Variants in KIAA1217 observed in about 807,000 individuals in gnomAD.
KIAA1217 encodes the protein sickle tail protein homolog.
A neutral mutation model predicts 163.9 loss-of-function variants in KIAA1217; 88 were observed. The observed-to-expected ratio is 0.54, with a 90% CI of 0.45 to 0.64. The LOEUF is 0.64. Among genes scored for constraint, KIAA1217 ranks in the 30% least tolerant of loss-of-function variants. KIAA1217 has a pLI of 0.00. For missense variants in KIAA1217, 2,372 were observed against 2,475.0 expected (o/e 0.96, Z 0.88); for synonymous variants, 903 against 923.1 (o/e 0.98, Z 0.39).
At chr10:24,491,060 T>C (rs1232741279) in intron 6 of KIAA1217, among the ~76,000 whole-genome samples, 3 of 152,190 alleles carry the variant, frequency 2.0e-5, no homozygotes, top group Non-Finnish European at 2.9e-5. Flanking sequence ...TGTCTCTCTC[T>C]GCACCCTAAA....
At chr10:24,277,935 G>GA (rs1404149486) in intron 2 of KIAA1217, among the ~76,000 whole-genome samples, 1 of 152,254 alleles carries the variant, frequency 6.6e-6, no homozygotes, top group Non-Finnish European at 1.5e-5. Flanking sequence ...CCCTGTGATA[G>GA]AAAGCAGTGC....
At chr10:23,808,312 G>A (rs1281252664) in intron 1 of KIAA1217, among the ~76,000 whole-genome samples, 1 of 152,140 alleles carries the variant, frequency 6.6e-6, no homozygotes, top group South Asian at 2.1e-4. Flanking sequence ...GTAACACAGA[G>A]GGAATTAGGC....
chr10:24,427,205 C>T (rs1343281617), intron 3 of KIAA1217, among the ~76,000 whole-genome samples: 1 of 151,430 alleles, frequency 6.6e-6, no homozygotes, highest in Non-Finnish European at 1.5e-5. Context: ...ACCTCCCCCT[C>T]CCACCCCACA....
intron 2 of KIAA1217, among the ~76,000 whole-genome samples, chr10:24,308,204 G>T (rs955872921): frequency 2.6e-5 from 4 of 152,160 alleles, no homozygotes; most frequent in Non-Finnish European, 5.9e-5. Flanking sequence ...TTCCTTAGCT[G>T]TGTCCCTTTT....
At chr10:23,970,875 C>T (rs1845285061) in intron 1 of KIAA1217, among the ~76,000 whole-genome samples, 1 of 152,182 alleles carries the variant, frequency 6.6e-6, no homozygotes, top group African/African-American at 2.4e-5. Context: ...CAGTTCTTGC[C>T]TCCTCAGGAG....
At chr10:24,097,353 A>G (rs1300332417) in intron 2 of KIAA1217, among the ~76,000 whole-genome samples, 3 of 152,156 alleles carry the variant, frequency 2.0e-5, no homozygotes, top group African/African-American at 2.4e-5. Flanking sequence ...GGAGTTTAAG[A>G]CTAGCCTGAA....
At chr10:24,233,435 A>G (rs1314717228) in intron 2 of KIAA1217, among the ~76,000 whole-genome samples, 1 of 152,194 alleles carries the variant, frequency 6.6e-6, no homozygotes, top group African/African-American at 2.4e-5. Flanking sequence ...AAATTTCAAC[A>G]TGAGATTTGG....
At chr10:24,138,561 T>C (rs1196459395) in intron 2 of KIAA1217, among the ~76,000 whole-genome samples, 1 of 151,286 alleles carries the variant, frequency 6.6e-6, no homozygotes, top group Admixed American at 6.6e-5. Flanking sequence ...TTATTGATGA[T>C]ACAGTTTTCT....
At chr10:23,829,440 A>C (rs1480508165) in intron 1 of KIAA1217, among the ~76,000 whole-genome samples, 1 of 152,226 alleles carries the variant, frequency 6.6e-6, no homozygotes, top group Non-Finnish European at 1.5e-5. Context: ...CTTACAGTTC[A>C]AATATACAAA....
intron 2 of KIAA1217, among the ~76,000 whole-genome samples, chr10:24,128,273 A>G (rs1317634770): frequency 1.3e-5 from 2 of 152,104 alleles, no homozygotes; most frequent in African/African-American, 2.4e-5. Flanking sequence ...CAGAACATTA[A>G]CCTCAATTCG....
intron 14 of KIAA1217, among the ~76,000 whole-genome samples, chr10:24,531,495 T>C (rs549357751): frequency 1.8e-4 from 28 of 152,204 alleles, no homozygotes; most frequent in Non-Finnish European, 3.4e-4. Flanking sequence ...AAGAATGTTA[T>C]TTAATAATAG....
intron 2 of KIAA1217, among the ~76,000 whole-genome samples, chr10:24,066,116 T>C (rs1381931498): frequency 6.6e-6 from 1 of 152,226 alleles, no homozygotes; most frequent in East Asian, 1.9e-4. Flanking sequence ...TCTGTGCCTT[T>C]TAATTGGAGC....
At chr10:24,084,874 C>CA (rs531618866) in intron 2 of KIAA1217, among the ~76,000 whole-genome samples, 82 of 150,930 alleles carry the variant, frequency 5.4e-4, no homozygotes, top group African/African-American at 9.2e-4. Flanking sequence ...TCTCCTCTGA[C>CA]AGAGTATATT....
chr10:23,794,310 G>A (rs1024960303), intron 1 of KIAA1217, among the ~76,000 whole-genome samples: 17 of 152,146 alleles, frequency 1.1e-4, no homozygotes, highest in African/African-American at 4.1e-4. Flanking sequence ...GGACATCAGG[G>A]CAGGGGGTAA....
At chr10:24,063,239 C>T (rs1341087939) in intron 2 of KIAA1217, among the ~76,000 whole-genome samples, 6 of 152,090 alleles carry the variant, frequency 3.9e-5, no homozygotes, top group Admixed American at 2.6e-4. Flanking sequence ...AATGGTATTG[C>T]CTAGGTTTTC....
At chr10:24,496,906 G>A (rs1468149959) in intron 8 of KIAA1217, among the ~76,000 whole-genome samples, 1 of 152,214 alleles carries the variant, frequency 6.6e-6, no homozygotes, top group African/African-American at 2.4e-5. Flanking sequence ...TGGGTCCAAA[G>A]GGACAGTTCA....
chr10:23,726,929 A>G (rs2130777829), intron 1 of KIAA1217, among the ~76,000 whole-genome samples: 1 of 150,020 alleles, frequency 6.7e-6, no homozygotes, highest in African/African-American at 2.5e-5. Flanking sequence ...TGCTATGATA[A>G]TTTTAGGATA....
chr10:24,435,200 G>C (rs990176913), intron 4 of KIAA1217, among the ~76,000 whole-genome samples: 2 of 152,228 alleles, frequency 1.3e-5, no homozygotes, highest in African/African-American at 4.8e-5. Context: ...TCAAGGTATA[G>C]ATACTACATC....
chr10:24,230,983 T>C (rs2071328518), intron 2 of KIAA1217, among the ~76,000 whole-genome samples: 1 of 152,110 alleles, frequency 6.6e-6, no homozygotes, highest in African/African-American at 2.4e-5. Context: ...ACCTCTCTGA[T>C]GGGGGATGAA....
Sources: gnomAD v4.1 joint callset for allele counts (sites outside exome capture counted in the v4.1 genomes callset) on GRCh38, gnomAD v4.1.1 for gene constraint, MANE v1.5 for transcripts, NCBI Gene and HGNC (gene_info 2026-07-23, HGNC 2026-07-21) for gene names.